Variants in DCHS2 observed in about 807,000 individuals in gnomAD.
DCHS2 encodes protocadherin-23.
Under a neutral mutation model 182.4 loss-of-function variants are expected in DCHS2, and 142 were observed. The ratio of observed to expected loss-of-function variants is 0.78; its 90% CI spans 0.68 to 0.89. DCHS2 has a LOEUF of 0.89. DCHS2 is among the 40% of genes least tolerant of loss of function. DCHS2 has a pLI of 0.00. For missense variants in DCHS2, 4,319 were observed against 4,198.6 expected, an observed-to-expected ratio of 1.03 and a Z score of -0.79; for synonymous variants, 1,740 against 1,663.3, an observed-to-expected ratio of 1.05 and a Z score of -1.12.
intron 1 of DCHS2, among the ~76,000 whole-genome samples, chr4:154,429,301 T>A (rs1329940954): frequency 6.6e-6 from 1 of 152,182 alleles, no homozygotes. Flanking sequence ...TTTTGGCTGC[T>A]TGACACCTAC....
chr4:154,444,839 G>A (rs978835609), intron 1 of DCHS2, among the ~76,000 whole-genome samples: 3 of 152,068 alleles, frequency 2.0e-5, no homozygotes, highest in African/African-American at 2.4e-5. Context: ...TCTTCCACGC[G>A]CCCCGTTCAT....
chr4:154,469,786 T>C (rs1735384174), intron 1 of DCHS2, among the ~76,000 whole-genome samples: 1 of 152,230 alleles, frequency 6.6e-6, no homozygotes, highest in Admixed American at 6.5e-5. Flanking sequence ...AGTATTAGCA[T>C]GGCTGCCTCC....
rs533036195 is a variant in DCHS2 at position 154,294,141 on chromosome 4, T to TC, written c.6463+3709_6463+3710insG. Among the ~76,000 whole-genome samples the TC allele has an allele frequency of 2.1e-4, 32 of 152,304 alleles. No homozygotes were observed. The South Asian group carries it at 3.9e-3, about 19-fold the overall frequency. On this transcript the variant is annotated intron_variant, in intron 13 of 19. Transcript: ENST00000357232. ...CATCTTCATATCTTAGACTTATAAC[T>TC]ACTGGTAATCATGATGGTGAAATGC... is the stretch of plus-strand genomic sequence containing the variant.
At chr4:154,384,480 G>A in intron 1 of DCHS2, 1 of 1,578,762 alleles carries the variant, frequency 6.3e-7, no homozygotes, top group Non-Finnish European at 8.6e-7. Flanking sequence ...GCTTGTAGGG[G>A]ACTGAATGCT....
intron 13 of DCHS2, among the ~76,000 whole-genome samples, chr4:154,294,996 A>G (rs1734855827): frequency 6.6e-6 from 1 of 152,238 alleles, no homozygotes; most frequent in South Asian, 2.1e-4. Flanking sequence ...GGTCATTCCA[A>G]TATGACTACT....
intron 1 of DCHS2, among the ~76,000 whole-genome samples, chr4:154,419,507 C>T (rs1038197581): frequency 4.0e-5 from 6 of 151,614 alleles, no homozygotes; most frequent in Admixed American, 6.6e-5. Flanking sequence ...AAAAGTTAGC[C>T]GGGTGTGGTG....
intron 14 of DCHS2, among the ~76,000 whole-genome samples, chr4:154,261,152 T>C (rs1488939485): frequency 6.6e-6 from 1 of 152,184 alleles, no homozygotes; most frequent in Non-Finnish European, 1.5e-5. Flanking sequence ...GCCTAGAAAT[T>C]TAATTTAGGT....
At chr4:154,257,777 C>A (rs971338211) in intron 15 of DCHS2, among the ~76,000 whole-genome samples, 2 of 152,188 alleles carry the variant, frequency 1.3e-5, no homozygotes, top group African/African-American at 4.8e-5. Flanking sequence ...GTGCTAGCTT[C>A]CTGGGAACTC....
At chr4:154,308,670 A>G (rs931627484) in intron 10 of DCHS2, among the ~76,000 whole-genome samples, 2 of 152,342 alleles carry the variant, frequency 1.3e-5, no homozygotes, top group Non-Finnish European at 2.9e-5. Flanking sequence ...GGAGTGGATC[A>G]TAGAAGACTT....
Position 154,240,637 on chromosome 4 carries a change from A to T in DCHS2, c.7259T>A (p.Ile2420Asn), listed in dbSNP as rs1731771423. Reference sequence around the variant, plus strand: ...GTAGTGCACTGAATCAGAAATTTGGATGAGCAGCTCATATTCAGTCATTTC... The same window carrying T: ...GTAGTGCACTGAATCAGAAATTTGGTTGAGCAGCTCATATTCAGTCATTTC... ...FEEMTEYELL[I>N]QISDSVHYTE... The change falls in exon 18 of 20, where the codon ATC becomes AAC. Residue 2420 changes from isoleucine to asparagine, a missense_variant. By Grantham distance (149) the Ile-to-Asn change is moderately radical. Coordinates refer to ENST00000357232, the MANE Select transcript of DCHS2 (RefSeq NM_001358235.2). The T allele has an allele frequency of 6.2e-7, 1 of 1,613,836 alleles. No homozygotes were observed. The highest frequency in any genetic ancestry group is 1.1e-5 in the South Asian group (1 of 91,084).
At position 154,417,210 on chromosome 4, in the gene DCHS2, A is replaced by T. The variant is rs1470576054; in HGVS notation, c.2053-39766T>A. On this transcript the variant is annotated intron_variant, in intron 1 of 19. Coordinates refer to ENST00000357232, the MANE Select transcript of DCHS2 (RefSeq NM_001358235.2). ...GTGTGTGTGTGTGTGTGTGTGAGAG[A>T]GAGAGAGAGAGAGAGAGAGAGAGAG... 4.8e-3 allele frequency among the ~76,000 whole-genome samples: 337 copies of T among 70,902 alleles called. 2 individuals are homozygous for T. The highest frequency in any genetic ancestry group is 0.018 in the African/African-American group (304 of 17,236). 46.5% of individuals were successfully genotyped at this position (70,902 alleles called of 152,430 possible). A position where few individuals can be genotyped will look rare whatever the true frequency, so the allele number is the denominator to read the frequency against.
chr4:154,430,209 G>A (rs935646462), intron 1 of DCHS2, among the ~76,000 whole-genome samples: 1 of 152,122 alleles, frequency 6.6e-6, no homozygotes, highest in Non-Finnish European at 1.5e-5. Context: ...TCTAAAACCT[G>A]TTGTCATGTC....
rs61746101 is a variant in DCHS2 at position 154,235,723 on chromosome 4, T to C, written c.8929A>G (p.Asn2977Asp). Reference protein sequence around the residue: ...SKFASCTVFVNVSFSSEGTPL... With the variant: ...SKFASCTVFVDVSFSSEGTPL... The stretch of plus-strand genomic sequence containing the variant: ...GTTCCTTCAGAGGAGAAAGACACAT[T>C]CACAAAAACAGTGCAAGATGCAAAC... The change falls in exon 20 of 20, where the codon AAT (asparagine) becomes GAT (aspartate). Residue 2977 changes from asparagine (N) to aspartate (D), a missense_variant. By Grantham distance (23) the Asn-to-Asp change is conservative. Coordinates refer to ENST00000357232, the MANE Select transcript of DCHS2 (RefSeq NM_001358235.2). 2 of 1,613,738 alleles carry C rather than the reference T, an allele frequency of 1.2e-6. No individual in the cohort carries two copies. The highest frequency in any genetic ancestry group is 1.3e-5 in the African/African-American group (1 of 74,886).
chr4:154,320,763 T>G lies in DCHS2; in HGVS notation c.4636A>C (p.Ile1546Leu). Reference sequence around the variant, plus strand: ...TTGTGGGATTCAATGTAGTATTGTATTCTACTGTTCAAAAAACTGCCGTCA... The same window carrying G: ...TTGTGGGATTCAATGTAGTATTGTAGTCTACTGTTCAAAAAACTGCCGTCA... ...DDDGSFLNSR[I>L]QYYIESHNPG... The change falls in exon 9 of 20, where the codon ATA (isoleucine) becomes CTA (leucine). Residue 1546 changes from isoleucine to leucine, a missense_variant. Ile to Leu is a conservative substitution (Grantham distance 5). Coordinates refer to ENST00000357232, the MANE Select transcript of DCHS2 (RefSeq NM_001358235.2). The G allele has an allele frequency of 6.2e-7, 1 of 1,614,100 alleles. No homozygotes were observed. Among genetic ancestry groups the G allele is most frequent in the Non-Finnish European group, 8.5e-7 (1 of 1,179,994 alleles).
At chr4:154,319,702 C>T (rs966850915) in intron 9 of DCHS2, among the ~76,000 whole-genome samples, 9 of 145,176 alleles carry the variant, frequency 6.2e-5, no homozygotes, top group African/African-American at 1.3e-4. Context: ...TTGGTGAGGG[C>T]GTAGAGAAAT....
Position 154,432,174 on chromosome 4 carries a change from G to A in DCHS2, c.2053-54730C>T, listed in dbSNP as rs551285221. On this transcript the variant is annotated intron_variant, in intron 1 of 19. Transcript: ENST00000357232. Reference sequence around the variant, plus strand: ...AAACAAATCATTTTAAAAAGATGATGTTAGCTATTTTGTCTAAAGAGCAAC... The same window carrying A: ...AAACAAATCATTTTAAAAAGATGATATTAGCTATTTTGTCTAAAGAGCAAC... Among the ~76,000 whole-genome samples the A allele has an allele frequency of 5.5e-4, 83 of 152,258 alleles. 1 individual carries two copies. In the Middle Eastern group the frequency reaches 0.014, roughly 25 times the overall value.
chr4:154,416,560 A>G (rs1732840209), intron 1 of DCHS2, among the ~76,000 whole-genome samples: 1 of 152,134 alleles, frequency 6.6e-6, no homozygotes, highest in South Asian at 2.1e-4. Context: ...ACCTTGTCCT[A>G]GGCTCTAGCC....
chr4:154,359,931 A>T (rs190276582), intron 3 of DCHS2, among the ~76,000 whole-genome samples: 2 of 152,154 alleles, frequency 1.3e-5, no homozygotes, highest in Admixed American at 1.3e-4. Context: ...TTTCTATCTT[A>T]TTTAGTTGAA....
intron 13 of DCHS2, among the ~76,000 whole-genome samples, chr4:154,290,507 C>A (rs1734605027): frequency 6.6e-6 from 1 of 151,994 alleles, no homozygotes; most frequent in Non-Finnish European, 1.5e-5. Flanking sequence ...AAGAACAGAA[C>A]AAAGGGAATC....
Sources: allele counts gnomAD v4.1 joint callset (sites outside exome capture counted in the v4.1 genomes callset), GRCh38; gene constraint gnomAD v4.1.1; transcripts MANE v1.5; gene names NCBI Gene and HGNC (gene_info 2026-07-23, HGNC 2026-07-21).